GPR19: variants seen among roughly 807,000 people sequenced by gnomAD.
The protein encoded by GPR19 is probable G protein-coupled receptor 19.
In GPR19, 14 loss-of-function variants were observed where a neutral mutation model predicts 28.5. The ratio of observed to expected loss-of-function variants is 0.49; its 90% CI spans 0.32 to 0.77. The LOEUF is 0.77. Ranked by LOEUF, GPR19 falls within the 30% of genes least tolerant of loss-of-function variation. GPR19 has a pLI of 0.03. For missense variants in GPR19, 409 were observed against 504.1 expected (o/e 0.81, Z 1.81); for synonymous variants, 173 against 184.1 (o/e 0.94, Z 0.49).
At chr12:12,669,264 C>T (rs1271851288) in intron 3 of GPR19, among the ~76,000 whole-genome samples, 2 of 152,218 alleles carry the variant, frequency 1.3e-5, no homozygotes, top group African/African-American at 4.8e-5. Flanking sequence ...AATAGCCTTT[C>T]TTCAGAATAA....
chr12:12,681,976 A>G (rs551531108), intron 3 of GPR19, among the ~76,000 whole-genome samples: 9 of 152,342 alleles, frequency 5.9e-5, no homozygotes, highest in Admixed American at 3.9e-4. Context: ...GTTCCCTAGG[A>G]AATAGTCCTG....
At chr12:12,678,284 T>G (rs1945965629) in intron 3 of GPR19, among the ~76,000 whole-genome samples, 1 of 151,822 alleles carries the variant, frequency 6.6e-6, no homozygotes, top group African/African-American at 2.4e-5. Flanking sequence ...TATATACCCT[T>G]AAATTTATTC....
intron 3 of GPR19, among the ~76,000 whole-genome samples, chr12:12,681,320 C>G (rs1592263126): frequency 1.3e-5 from 2 of 152,208 alleles, no homozygotes; most frequent in African/African-American, 2.4e-5. Context: ...AGGCAGGACC[C>G]AGGTATCACT....
Position 12,661,218 on chromosome 12 carries a change from G to T in GPR19, c.1231C>A (p.Pro411Thr), listed in dbSNP as rs61733942. The T allele has an allele frequency of 6.5e-5, 105 of 1,604,630 alleles. No homozygotes were observed. The highest frequency in any genetic ancestry group is 8.7e-5 in the Non-Finnish European group (102 of 1,175,814). ...KLAWPINSNP[P>T]NTFV ...ATGAGAACTTAGACAAAAGTATTTG[G>T]TGGATTTGAGTTAATGGGCCAAGCA... The change falls in exon 4 of 4, where the codon CCA (proline) becomes ACA (threonine). Residue 411 changes from proline (P) to threonine (T), a missense_variant. By Grantham distance (38) the Pro-to-Thr change is conservative. Transcript: ENST00000651487. The surrounding 1 kb of genome is among the most constrained non-coding windows in gnomAD (Gnocchi z 4.2).
chr12:12,696,339 C>CTTT (rs578240364), upstream of GPR19: 3 of 88,686 alleles, frequency 3.4e-5, no homozygotes, highest in Admixed American at 1.4e-4. Flanking sequence ...CCCACCCGCC[C>CTTT]TTTTTTTTTT....
Position 12,661,586 on chromosome 12 carries a change from GAGAGCAAAAACAAC to G in GPR19, c.849_862del (p.Phe285AlafsTer13). 6.2e-7 allele frequency: 1 copy of G among 1,614,094 alleles called. No homozygotes were observed. Among genetic ancestry groups the G allele is most frequent in the Non-Finnish European group, 8.5e-7 (1 of 1,179,984 alleles). On this transcript the variant is annotated frameshift_variant, in exon 4 of 4. Transcript: ENST00000651487. LOFTEE classifies it high-confidence loss of function. This position sits in a 1 kb window ranked among gnomAD's most constrained non-coding sequence, Gnocchi z 4.2. ...CTGAGCTACATGAAAAGGCAGCCAG[GAGAGCAAAAACAAC>G]AGATTTAAAATGAGGAACATCTTGA...
At chr12:12,708,964 T>C in the GPR19 span, among the ~76,000 whole-genome samples, 1 of 151,884 alleles carries the variant, frequency 6.6e-6, no homozygotes, top group East Asian at 1.9e-4. Flanking sequence ...GAGAACTGCT[T>C]GAACCCAGGA....
At chr12:12,691,514 G>GTTCTAT (rs2136336155) in intron 2 of GPR19, among the ~76,000 whole-genome samples, 1 of 152,214 alleles carries the variant, frequency 6.6e-6, no homozygotes, top group East Asian at 1.9e-4. Flanking sequence ...CTTATCTGTA[G>GTTCTAT]TTCTATTTCT....
intron 3 of GPR19, among the ~76,000 whole-genome samples, chr12:12,664,500 TAAAAA>T (rs530863558): frequency 1.4e-3 from 205 of 151,224 alleles, no homozygotes; most frequent in African/African-American, 4.7e-3. Context: ...TTTTAAAAAT[TAAAAA>T]AAAAGTTTTT....
At chr12:12,691,315 GA>G (rs1202101985) in intron 2 of GPR19, among the ~76,000 whole-genome samples, 5 of 152,114 alleles carry the variant, frequency 3.3e-5, no homozygotes, top group Non-Finnish European at 7.3e-5. Flanking sequence ...TTTCCAGAAT[GA>G]GCCTGCCAAT....
At chr12:12,705,201 C>T in the GPR19 span, among the ~76,000 whole-genome samples, 1 of 150,008 alleles carries the variant, frequency 6.7e-6, no homozygotes, top group Non-Finnish European at 1.5e-5. Context: ...CCTGTAATCC[C>T]AGCTACTCGG....
chr12:12,697,903 G>A (rs923757628), upstream of GPR19, among the ~76,000 whole-genome samples: 2 of 152,070 alleles, frequency 1.3e-5, no homozygotes, highest in Admixed American at 1.3e-4. Context: ...TTAAGGTAAG[G>A]TGAAAATCGG....
chr12:12,669,593 T>C (rs912079157), intron 3 of GPR19, among the ~76,000 whole-genome samples: 3 of 152,166 alleles, frequency 2.0e-5, no homozygotes, highest in African/African-American at 7.2e-5. Context: ...TGTATATACA[T>C]TTCTTCCCAA....
the GPR19 span, chr12:12,717,063 G>A: frequency 9.9e-7 from 1 of 1,007,984 alleles, no homozygotes; most frequent in Non-Finnish European, 1.2e-6. Context: ...GCAGCGCCGG[G>A]CCCCGAACCT....
the GPR19 span, among the ~76,000 whole-genome samples, chr12:12,702,447 T>TA: frequency 6.6e-6 from 1 of 152,152 alleles, no homozygotes; most frequent in Admixed American, 6.5e-5. Context: ...CTAAACATGT[T>TA]AGAGTATGTA....
chr12:12,676,404 C>A (rs1945931282), intron 3 of GPR19, among the ~76,000 whole-genome samples: 1 of 152,124 alleles, frequency 6.6e-6, no homozygotes, highest in Non-Finnish European at 1.5e-5. Flanking sequence ...TTATAACCCA[C>A]CACTTTCATC....
chr12:12,698,553 C>A (rs1440808479), upstream of GPR19, among the ~76,000 whole-genome samples: 1 of 152,134 alleles, frequency 6.6e-6, no homozygotes, highest in Non-Finnish European at 1.5e-5. Context: ...TTGGTTAAAG[C>A]AACACAATTT....
At chr12:12,697,774 G>A (rs1426936878), upstream of GPR19, among the ~76,000 whole-genome samples, 2 of 152,148 alleles carry the variant, frequency 1.3e-5, no homozygotes, top group African/African-American at 2.4e-5. Context: ...ATTTTCTCAC[G>A]TTCAATATGA....
the GPR19 span, chr12:12,716,929 G>A: frequency 1.0e-6 from 1 of 984,996 alleles, no homozygotes; most frequent in Non-Finnish European, 1.2e-6. Context: ...GCTGGGGGCA[G>A]CTCGCCACCC....
Sources: allele counts gnomAD v4.1 joint callset (sites outside exome capture counted in the v4.1 genomes callset), GRCh38; gene constraint gnomAD v4.1.1; non-coding constraint Gnocchi (gnomAD v3.1); transcripts MANE v1.5; gene names NCBI Gene and HGNC (gene_info 2026-07-23, HGNC 2026-07-21).